Variants in AGAP2 observed in about 807,000 individuals in gnomAD.
AGAP2 encodes arf-GAP with GTPase, ANK repeat and PH domain-containing protein 2.
AGAP2 carries 32 observed loss-of-function variants against 110.9 expected under a neutral mutation model. The observed-to-expected ratio is 0.29, with a 90% CI of 0.22 to 0.39. The LOEUF is 0.39. Among genes scored for constraint, AGAP2 ranks in the 10% least tolerant of loss-of-function variants. AGAP2 has a pLI of 1.00. For missense variants in AGAP2, 1,285 were observed against 1,638.5 expected, an observed-to-expected ratio of 0.78 and a Z score of 3.72; for synonymous variants, 702 against 713.0, an observed-to-expected ratio of 0.98 and a Z score of 0.25.
chr12:57,737,833 G>A lies in AGAP2; in HGVS notation c.414C>T (p.Thr138=). 1 of 1,479,804 alleles carries A rather than the reference G, an allele frequency of 6.8e-7. No homozygotes were observed. The highest frequency in any genetic ancestry group is 8.9e-7 in the Non-Finnish European group (1 of 1,127,326). The allele number at this position is 1,479,804 out of a possible 1,614,324, so 91.7% of individuals were successfully genotyped here. ...SPDPKPGGAP[T]SSRRPLLSSP... The stretch of plus-strand genomic sequence containing the variant: ...TGCTGAGCAGGGGGCGCCGGGAGGA[G>A]GTGGGGGCGCCCCCAGGCTTGGGGT... The change falls in exon 1 of 19, where the codon ACC becomes ACT. Residue 138 remains threonine (T), a synonymous_variant. Coordinates refer to ENST00000547588, the MANE Select transcript of AGAP2 (RefSeq NM_001122772.3). This position sits in a 1 kb window ranked among gnomAD's most constrained non-coding sequence, Gnocchi z 5.9.
At chr12:57,728,746 G>A (rs963465151) in intron 13 of AGAP2, among the ~76,000 whole-genome samples, 2 of 152,160 alleles carry the variant, frequency 1.3e-5, no homozygotes, top group Non-Finnish European at 2.9e-5. Flanking sequence ...AAGCTGGGGC[G>A]CAGGGCTGAG....
chr12:57,732,097 A>C, intron 7 of AGAP2, 130 bp from the exon 8 acceptor site: 1 of 1,132,600 alleles, frequency 8.8e-7, no homozygotes, highest in Non-Finnish European at 1.2e-6. Context: ...GTCATTAATA[A>C]TTTTTAAAAT....
At position 57,732,395 on chromosome 12, in the gene AGAP2, C is replaced by CA; in HGVS notation, c.1794+7dup. 2 of 1,584,914 alleles carry CA rather than the reference C, an allele frequency of 1.3e-6. No individual in the cohort carries two copies. The highest frequency in any genetic ancestry group is 1.7e-6 in the Non-Finnish European group (2 of 1,164,342). On this transcript the variant is annotated splice_region_variant and intron_variant, in intron 7 of 18. Coordinates refer to ENST00000547588, the MANE Select transcript of AGAP2 (RefSeq NM_001122772.3). ...GGCCCCTCTGCAGACTCTGAAACCC[C>CA]AACTCACCTGGCCAGCTACCGGAGT...
At chr12:57,736,615 A>T (rs1954986712) in intron 1 of AGAP2, among the ~76,000 whole-genome samples, 1 of 152,212 alleles carries the variant, frequency 6.6e-6, no homozygotes, top group Non-Finnish European at 1.5e-5. Flanking sequence ...CCAGGGGACG[A>T]CTAGTCCCTG....
chr12:57,741,450 T>C (rs542911920), upstream of AGAP2, among the ~76,000 whole-genome samples: 4 of 152,200 alleles, frequency 2.6e-5, no homozygotes, highest in South Asian at 8.3e-4. Flanking sequence ...TCAATGTGCA[T>C]GCGTGTGTGT....
At position 57,738,554 on chromosome 12, in the gene AGAP2, T is replaced by G. The variant is rs1595097505; in HGVS notation, c.-308A>C. 1.4e-5 allele frequency among the ~76,000 whole-genome samples: 2 copies of G among 139,814 alleles called. No homozygotes were observed. The highest frequency in any genetic ancestry group is 5.4e-5 in the African/African-American group (2 of 37,380). 91.7% of individuals were successfully genotyped at this position (139,814 alleles called of 152,430 possible). On this transcript the variant is annotated 5_prime_UTR_variant, in exon 1 of 19. Coordinates refer to ENST00000547588, the MANE Select transcript of AGAP2 (RefSeq NM_001122772.3). The surrounding 1 kb of genome is among the most constrained non-coding windows in gnomAD (Gnocchi z 6.7). Reference sequence around the variant, plus strand: ...GCCTGGGTGGGGGCGCTGAGATGGGTGGGGGAGGGCGGGGAGGACAGTAGT... The same window carrying G: ...GCCTGGGTGGGGGCGCTGAGATGGGGGGGGGAGGGCGGGGAGGACAGTAGT...
intron 7 of AGAP2, 93 bp from the exon 8 acceptor site, chr12:57,732,060 T>C: frequency 7.3e-7 from 1 of 1,375,664 alleles, no homozygotes; most frequent in Non-Finnish European, 9.9e-7. Flanking sequence ...GAGACATTCC[T>C]TGATCACCTC....
In AGAP2 at chr12:57,731,828, C is replaced by T. The variant is rs748764789; in HGVS notation, c.1934G>A (p.Arg645His). 50 of 1,583,168 alleles carry T rather than the reference C, an allele frequency of 3.2e-5. No homozygotes were observed. The highest frequency in any genetic ancestry group is 3.9e-5 in the Non-Finnish European group (46 of 1,165,002). Reference sequence around the variant, plus strand: ...CAATACCGCAAAAAGGCTGGTCCTGCGCTTGGCTGCCCGGTGCAGGGACCC... The same window carrying T: ...CAATACCGCAAAAAGGCTGGTCCTGTGCTTGGCTGCCCGGTGCAGGGACCC... Reference protein sequence around the residue: ...TPGSLHRAAKRRTSLFANRRG... With the variant: ...TPGSLHRAAKHRTSLFANRRG... Residue 645 changes from arginine to histidine, a missense_variant, in exon 8 of 19, where the codon CGC becomes CAC. Physicochemically the swap from Arg to His is conservative, Grantham distance 29. Transcript: ENST00000547588.
intron 1 of AGAP2, 75 bp from the exon 2 acceptor site, chr12:57,735,502 C>T: frequency 7.1e-7 from 1 of 1,399,420 alleles, no homozygotes. Context: ...CACCCCTCCT[C>T]CCTCTGCAGC....
At chr12:57,739,869 A>G (rs889000856), upstream of AGAP2, 3 of 152,190 alleles carry the variant, frequency 2.0e-5, no homozygotes, top group African/African-American at 7.2e-5. Context: ...ATTCTTTCAG[A>G]AGATTAAAGA....
chr12:57,729,403 T>C (rs540000602), intron 13 of AGAP2, among the ~76,000 whole-genome samples: 5 of 151,294 alleles, frequency 3.3e-5, no homozygotes, highest in Admixed American at 3.3e-4. Flanking sequence ...GCAGGAGCTA[T>C]AGACATGGAC....
chr12:57,731,184 T>C (rs752769025), intron 10 of AGAP2, among the ~76,000 whole-genome samples, 182 bp downstream of exon 10: 1 of 152,162 alleles, frequency 6.6e-6, no homozygotes, highest in Non-Finnish European at 1.5e-5. Context: ...CCTGGGGCAA[T>C]GTATTTACCT....
intron 1 of AGAP2, among the ~76,000 whole-genome samples, chr12:57,736,230 C>T (rs1345422744): frequency 1.3e-5 from 2 of 152,174 alleles, no homozygotes; most frequent in African/African-American, 4.8e-5. Flanking sequence ...GCCTCCGCTC[C>T]CGGACCCGCC....
rs1252237262 is a variant in AGAP2 at position 57,737,120 on chromosome 12, C to T, written c.1127G>A (p.Gly376Glu). 15 of 1,567,274 alleles carry T rather than the reference C, an allele frequency of 9.6e-6. No individual in the cohort carries two copies. Among genetic ancestry groups the T allele is most frequent in the Non-Finnish European group, 1.3e-5 (15 of 1,156,910 alleles). The change falls in exon 1 of 19, where the codon GGG becomes GAG. Residue 376 changes from glycine to glutamate, a missense_variant. Around this residue, in one of 7 missense-constraint regions of AGAP2, gnomAD observed 844 missense variants for 941.2 expected, o/e 0.90. Transcript: ENST00000547588. The surrounding 1 kb of genome is among the most constrained non-coding windows in gnomAD (Gnocchi z 5.9). ...PGPPSLSSGS[G>E]SRELLGAELR... ...CTCGGCGCCCAGCAGCTCCCTGGACCCGCTGCCAGAAGACAGGCTGGGGGG... is the reference window on the plus strand; with the variant it reads ...CTCGGCGCCCAGCAGCTCCCTGGACTCGCTGCCAGAAGACAGGCTGGGGGG...
At chr12:57,740,743 G>A (rs1955067692), upstream of AGAP2, among the ~76,000 whole-genome samples, 1 of 152,120 alleles carries the variant, frequency 6.6e-6, no homozygotes, top group Non-Finnish European at 1.5e-5. Context: ...AGCTTCAGGT[G>A]TAGTTCCTGG....
At chr12:57,730,417 C>T (rs912680887) in intron 12 of AGAP2, 78 bp downstream of exon 12, 2 of 1,577,856 alleles carry the variant, frequency 1.3e-6, no homozygotes, top group Non-Finnish European at 1.7e-6. Context: ...AGCCTCCAAG[C>T]CTTCACCCCA....
At position 57,727,917 on chromosome 12, in the gene AGAP2, ACT is replaced by A; in HGVS notation, c.2766+18_2766+19del. 1 of 1,612,850 alleles carries A rather than the reference ACT, an allele frequency of 6.2e-7. No individual in the cohort carries two copies. The highest frequency in any genetic ancestry group is 8.5e-7 in the Non-Finnish European group (1 of 1,179,722). ...GGTCAGTTCCTGCGGCCAGTCCTCCACTCCACCTCAAACTCTTACCTTGACCT... is the reference window on the plus strand; with the variant it reads ...GGTCAGTTCCTGCGGCCAGTCCTCCACCACCTCAAACTCTTACCTTGACCT... On this transcript the variant is annotated intron_variant, in intron 15 of 18. Coordinates refer to ENST00000547588, the MANE Select transcript of AGAP2 (RefSeq NM_001122772.3).
rs1279518507 is a variant in AGAP2 at position 57,737,430 on chromosome 12, T to C, written c.817A>G (p.Ser273Gly). The change falls in exon 1 of 19, where the codon AGT becomes GGT. Residue 273 changes from serine to glycine, a missense_variant. By Grantham distance (56) the Ser-to-Gly change is moderately conservative. Coordinates refer to ENST00000547588, the MANE Select transcript of AGAP2 (RefSeq NM_001122772.3). The surrounding 1 kb of genome is among the most constrained non-coding windows in gnomAD (Gnocchi z 5.9). ...AAGTCACTGTTGTCCAAGGTCTTAC[T>C]CTTGCCTTTCCGAGGGGACAACTTC... is the stretch of plus-strand genomic sequence containing the variant. ...RGKLSPRKGK[S>G]KTLDNSDLHP... is the part of the protein sequence containing the mutation. The C allele has an allele frequency of 6.8e-6, 11 of 1,613,544 alleles. No homozygotes were observed. Among genetic ancestry groups the C allele is most frequent in the African/African-American group, 1.3e-5 (1 of 74,890 alleles).
Position 57,726,635 on chromosome 12 carries a change from T to C in AGAP2, c.3496A>G (p.Ser1166Gly), listed in dbSNP as rs936895004. 5 of 1,197,384 alleles carry C rather than the reference T, an allele frequency of 4.2e-6. No homozygotes were observed. Among genetic ancestry groups the C allele is most frequent in the Non-Finnish European group, 5.2e-6 (5 of 965,878 alleles). The allele number at this position is 1,197,384 out of a possible 1,614,324, so 74.2% of individuals were successfully genotyped here. A position where few individuals can be genotyped will look rare whatever the true frequency, so the allele number is the denominator to read the frequency against. The change falls in exon 19 of 19, where the codon AGC becomes GGC. Residue 1166 changes from serine to glycine, a missense_variant. Coordinates refer to ENST00000547588, the MANE Select transcript of AGAP2 (RefSeq NM_001122772.3). This position sits in a 1 kb window ranked among gnomAD's most constrained non-coding sequence, Gnocchi z 5.7. ...CGGGGGCTGGGCGTGGCGGTGATGC[T>C]GGGCGTGGTGGCCGCGCTGGGCGTG... Reference protein sequence around the residue: ...ATTPSAATTPSITATPSPRRR... With the variant: ...ATTPSAATTPGITATPSPRRR...
Sources: gnomAD v4.1 joint callset for allele counts (sites outside exome capture counted in the v4.1 genomes callset) on GRCh38, gnomAD v4.1.1 for gene constraint, gnomAD v4.1.1 regional missense constraint, Gnocchi (gnomAD v3.1) non-coding constraint, MANE v1.5 for transcripts, NCBI Gene and HGNC (gene_info 2026-07-23, HGNC 2026-07-21) for gene names.